CNTNAP5: variants seen among roughly 807,000 people sequenced by gnomAD.
CNTNAP5 encodes contactin-associated protein-like 5.
Under a neutral mutation model 150.2 loss-of-function variants are expected in CNTNAP5, and 72 were observed. The ratio of observed to expected loss-of-function variants is 0.48; its 90% CI spans 0.40 to 0.58. The LOEUF (loss-of-function observed/expected upper bound fraction) is 0.58, where lower values mean the gene tolerates loss of function less well. CNTNAP5 is among the 20% of genes least tolerant of loss of function. CNTNAP5 has a pLI of 0.00. For synonymous variants in CNTNAP5, 672 were observed against 619.8 expected (o/e 1.08, Z -1.25); for missense variants, 1,636 against 1,626.2 (o/e 1.01, Z -0.10).
chr2:124,780,692 G>T (rs1222051559), intron 17 of CNTNAP5, among the ~76,000 whole-genome samples: 1 of 152,194 alleles, frequency 6.6e-6, no homozygotes, highest in Non-Finnish European at 1.5e-5. Flanking sequence ...CCAAATCAGA[G>T]TTGTGTCCAA....
intron 19 of CNTNAP5, among the ~76,000 whole-genome samples, chr2:124,833,906 A>T (rs910370435): frequency 2.0e-5 from 3 of 152,192 alleles, no homozygotes; most frequent in African/African-American, 7.2e-5. Context: ...TTATTTTCAA[A>T]GCCTCTTTCT....
intron 1 of CNTNAP5, among the ~76,000 whole-genome samples, chr2:124,197,999 AAATAAT>A (rs1325459561): frequency 2.0e-5 from 3 of 151,556 alleles, no homozygotes; most frequent in Non-Finnish European, 4.4e-5. Flanking sequence ...ATAAAAATAA[AAATAAT>A]AATAATAATA....
intron 13 of CNTNAP5, among the ~76,000 whole-genome samples, chr2:124,729,083 T>C (rs1680217227): frequency 6.6e-6 from 1 of 152,044 alleles, no homozygotes; most frequent in Non-Finnish European, 1.5e-5. Flanking sequence ...CCAGGCCTTT[T>C]AGTATCCCAC....
chr2:124,860,664 T>C (rs764292625), intron 19 of CNTNAP5, among the ~76,000 whole-genome samples: 3 of 152,044 alleles, frequency 2.0e-5, no homozygotes, highest in Non-Finnish European at 4.4e-5. Flanking sequence ...ATGAGATATG[T>C]CCTGGCTCCC....
chr2:124,505,720 C>A (rs1694391057), intron 8 of CNTNAP5, among the ~76,000 whole-genome samples: 1 of 152,102 alleles, frequency 6.6e-6, no homozygotes, highest in African/African-American at 2.4e-5. Context: ...TGTTATGTTA[C>A]CAATCTCTGA....
chr2:124,448,266 T>C (rs373360439), intron 6 of CNTNAP5, among the ~76,000 whole-genome samples: 1 of 94,562 alleles, frequency 1.1e-5, no homozygotes, highest in South Asian at 3.9e-4. Flanking sequence ...AGACTCCGTC[T>C]TAAAATAATA....
At chr2:124,647,678 T>C (rs1678231749) in intron 12 of CNTNAP5, 80 bp from the exon 13 acceptor site, 10 of 1,280,932 alleles carry the variant, frequency 7.8e-6, no homozygotes, top group Non-Finnish European at 9.6e-6. Context: ...GCACGCTGAG[T>C]GGCCCATCAC....
At position 124,397,806 on chromosome 2, in the gene CNTNAP5, C is replaced by T. The variant is rs545115261; in HGVS notation, c.382-19637C>T. Reference sequence around the variant, plus strand: ...ACATTCCTTCAAAGCCCAGTGGTTTCACCTTGCACATGCAGCCAGCGATCC... The same window carrying T: ...ACATTCCTTCAAAGCCCAGTGGTTTTACCTTGCACATGCAGCCAGCGATCC... On this transcript the variant is annotated intron_variant, in intron 3 of 23. Coordinates refer to ENST00000682447, the MANE Select transcript of CNTNAP5 (RefSeq NM_001367498.1). 5.3e-5 allele frequency among the ~76,000 whole-genome samples: 8 copies of T among 152,240 alleles called. No individual in the cohort carries two copies. In the South Asian group the frequency reaches 1.7e-3, roughly 32 times the overall value.
At chr2:124,891,081 T>G (rs1678184673) in intron 21 of CNTNAP5, among the ~76,000 whole-genome samples, 1 of 152,136 alleles carries the variant, frequency 6.6e-6, no homozygotes, top group African/African-American at 2.4e-5. Flanking sequence ...TTTTATAATA[T>G]CTCACCATTT....
chr2:124,326,972 CTTTTTTTTT>C (rs1192969997), intron 3 of CNTNAP5, among the ~76,000 whole-genome samples: 1 of 68,514 alleles, frequency 1.5e-5, no homozygotes, highest in African/African-American at 5.9e-5. Context: ...TAGATCCTGA[CTTTTTTTTT>C]TTTTTTTTTT....
chr2:124,304,906 C>A (rs1391616894), intron 3 of CNTNAP5, among the ~76,000 whole-genome samples: 11 of 151,950 alleles, frequency 7.2e-5, no homozygotes, highest in Admixed American at 7.2e-4. Flanking sequence ...CCAAGGAGTC[C>A]TCTAGGGACA....
At chr2:124,914,053 G>T in intron 23 of CNTNAP5, 39 bp from the exon 24 acceptor site, 2 of 1,505,746 alleles carry the variant, frequency 1.3e-6, no homozygotes, top group South Asian at 2.3e-5. Context: ...GATGACTCAT[G>T]ACGATTTCCT....
chr2:124,599,358 A>G (rs530824453), intron 11 of CNTNAP5, among the ~76,000 whole-genome samples: 1 of 152,216 alleles, frequency 6.6e-6, no homozygotes, highest in East Asian at 1.9e-4. Context: ...TTATTTATTT[A>G]AATATTTAGA....
At chr2:124,607,049 A>G (rs1301391500) in intron 11 of CNTNAP5, among the ~76,000 whole-genome samples, 1 of 152,192 alleles carries the variant, frequency 6.6e-6, no homozygotes, top group Non-Finnish European at 1.5e-5. Context: ...AATCCTTACT[A>G]CAACAGTATG....
chr2:124,707,998 A>G (rs573973755), intron 13 of CNTNAP5, among the ~76,000 whole-genome samples: 49 of 152,338 alleles, frequency 3.2e-4, no homozygotes, highest in Non-Finnish European at 5.7e-4. Flanking sequence ...GAATACAGGG[A>G]ATTAATATGT....
intron 13 of CNTNAP5, among the ~76,000 whole-genome samples, chr2:124,685,209 A>G (rs1679163706): frequency 6.6e-6 from 1 of 152,158 alleles, no homozygotes; most frequent in Non-Finnish European, 1.5e-5. Context: ...TCTGACTGCA[A>G]AAGTGCAGGG....
At chr2:124,629,010 C>G (rs1342987749) in intron 12 of CNTNAP5, among the ~76,000 whole-genome samples, 2 of 152,120 alleles carry the variant, frequency 1.3e-5, no homozygotes, top group African/African-American at 2.4e-5. Flanking sequence ...ACAAAAGGAG[C>G]TATTTAAAAT....
chr2:124,338,946 C>A lies in CNTNAP5; in HGVS notation c.382-78497C>A, dbSNP rs1321222244. On this transcript the variant is annotated intron_variant, in intron 3 of 23. Transcript: ENST00000682447. ...GTCATGAATAATGTCAAAAGAAGAGCAGATGGTCTTATGGATTATATTCAC... is the reference window on the plus strand; with the variant it reads ...GTCATGAATAATGTCAAAAGAAGAGAAGATGGTCTTATGGATTATATTCAC... Among the ~76,000 whole-genome samples the A allele has an allele frequency of 2.0e-5, 3 of 151,992 alleles. No individual in the cohort carries two copies. The East Asian group carries it at 5.8e-4, about 29-fold the overall frequency.
At chr2:124,422,483 A>C (rs1692128768) in intron 4 of CNTNAP5, among the ~76,000 whole-genome samples, 1 of 152,200 alleles carries the variant, frequency 6.6e-6, no homozygotes. Context: ...TCTTGTGATT[A>C]CATGTCATCA....
Sources: allele counts gnomAD v4.1 joint callset (sites outside exome capture counted in the v4.1 genomes callset), GRCh38; gene constraint gnomAD v4.1.1; transcripts MANE v1.5; gene names NCBI Gene and HGNC (gene_info 2026-07-23, HGNC 2026-07-21).